Variants in CCDC33 observed in about 807,000 individuals in gnomAD.
CCDC33 encodes coiled-coil domain containing 33, also known as coiled-coil domain-containing protein 33.
A neutral mutation model predicts 91.9 loss-of-function variants in CCDC33; 94 were observed. The ratio of observed to expected loss-of-function variants is 1.02; its 90% CI spans 0.87 to 1.21. The LOEUF (loss-of-function observed/expected upper bound fraction) is 1.21, where lower values mean the gene tolerates loss of function less well. Ranked by LOEUF, CCDC33 falls within the 50% of genes most tolerant of loss-of-function variation. The pLI is 0.00. For synonymous variants in CCDC33, 396 were observed against 374.5 expected, an observed-to-expected ratio of 1.06 and a Z score of -0.66; for missense variants, 940 against 935.5, an observed-to-expected ratio of 1.00 and a Z score of -0.06.
In CCDC33 at chr15:74,244,219, T is replaced by C; in HGVS notation, c.185+71T>C. The C allele has an allele frequency of 6.5e-7, 1 of 1,538,408 alleles. No individual in the cohort carries two copies. Among genetic ancestry groups the C allele is most frequent in the Non-Finnish European group, 8.8e-7 (1 of 1,137,566 alleles). ...GAGCAGAAACCAGGGGACAGCTATTTGGAATACTAGCACCCAAAGGCCCAG... is the reference window on the plus strand; with the variant it reads ...GAGCAGAAACCAGGGGACAGCTATTCGGAATACTAGCACCCAAAGGCCCAG... On this transcript the variant is annotated intron_variant, in intron 2 of 18. Coordinates refer to ENST00000398814, the MANE Select transcript of CCDC33 (RefSeq NM_025055.5). This position sits in a 1 kb window ranked among gnomAD's most constrained non-coding sequence, Gnocchi z 4.2.
At chr15:74,211,779 G>A (rs1408564772) in intron 2 of CCDC33, among the ~76,000 whole-genome samples, 1 of 151,846 alleles carries the variant, frequency 6.6e-6, no homozygotes, top group Non-Finnish European at 1.5e-5. Flanking sequence ...GCCTGTCCCT[G>A]GTATGCCACT....
At chr15:74,289,557 T>C (rs149657271) in intron 10 of CCDC33, among the ~76,000 whole-genome samples, 48 of 152,238 alleles carry the variant, frequency 3.2e-4, no homozygotes, top group African/African-American at 1.1e-3. Flanking sequence ...CCACTAAAAA[T>C]GCAAAAATTA....
intron 10 of CCDC33, among the ~76,000 whole-genome samples, chr15:74,292,701 G>T (rs2059606947): frequency 6.6e-6 from 1 of 152,230 alleles, no homozygotes; most frequent in Non-Finnish European, 1.5e-5. Flanking sequence ...GGAGGTACAG[G>T]CATGGAGCAG....
intron 11 of CCDC33, among the ~76,000 whole-genome samples, chr15:74,299,123 C>T (rs2059744788): frequency 6.6e-6 from 1 of 152,170 alleles, no homozygotes; most frequent in Admixed American, 6.5e-5. Flanking sequence ...TGAGTGATAC[C>T]CCATACCCAC....
chr15:74,287,089 G>A (rs351201), intron 10 of CCDC33, among the ~76,000 whole-genome samples: 109,415 of 152,078 alleles, frequency 0.72, 40,858 homozygotes, highest in Non-Finnish European at 0.84. Flanking sequence ...GAATTTTTAT[G>A]GATTTTTTGT....
rs1692599565 is a variant in CCDC33 at position 74,236,572 on chromosome 15, A to G, written c.-148A>G. On this transcript the variant is annotated 5_prime_UTR_variant, in exon 1 of 19. Coordinates refer to ENST00000398814, the MANE Select transcript of CCDC33 (RefSeq NM_025055.5). ...TGGTGTGTGGCACCCCTGAGACCACATTGACCTCCATACTGTCTACTACCC... is the reference window on the plus strand; with the variant it reads ...TGGTGTGTGGCACCCCTGAGACCACGTTGACCTCCATACTGTCTACTACCC... 1 of 450,606 alleles carries G rather than the reference A, an allele frequency of 2.2e-6. No individual in the cohort carries two copies. Among genetic ancestry groups the G allele is most frequent in the Non-Finnish European group, 3.9e-6 (1 of 255,042 alleles). The allele number at this position is 450,606 out of a possible 1,614,324, so 27.9% of individuals were successfully genotyped here.
intron 2 of CCDC33, among the ~76,000 whole-genome samples, chr15:74,250,948 A>T (rs371210278): frequency 5.9e-5 from 9 of 152,206 alleles, no homozygotes; most frequent in African/African-American, 1.9e-4. Context: ...GAGCAGGCTC[A>T]CAGTGGGCAC....
At position 74,316,128 on chromosome 15, in the gene CCDC33, C is replaced by T. The variant is rs897413678; in HGVS notation, c.1291-14061C>T. Reference sequence around the variant, plus strand: ...GCAGGGGTGGGGGCTCTTGAGCACCCGTTTTATAGATGAAATGCCTGAGAC... The same window carrying T: ...GCAGGGGTGGGGGCTCTTGAGCACCTGTTTTATAGATGAAATGCCTGAGAC... On this transcript the variant is annotated intron_variant, in intron 11 of 18. Transcript: ENST00000398814. The surrounding 1 kb of genome is among the most constrained non-coding windows in gnomAD (Gnocchi z 4.7). Among the ~76,000 whole-genome samples the T allele has an allele frequency of 1.3e-5, 2 of 152,094 alleles. No individual in the cohort carries two copies. Among genetic ancestry groups the T allele is most frequent in the Non-Finnish European group, 2.9e-5 (2 of 68,008 alleles).
chr15:74,221,213 C>A (rs900905642), intron 2 of CCDC33: 13 of 895,662 alleles, frequency 1.5e-5, no homozygotes, highest in African/African-American at 6.4e-5. Flanking sequence ...GTGTGTGGCA[C>A]TGGTTTTTTT....
At chr15:74,257,587 G>A (rs187844524) in intron 2 of CCDC33, among the ~76,000 whole-genome samples, 3 of 152,174 alleles carry the variant, frequency 2.0e-5, no homozygotes, top group Non-Finnish European at 4.4e-5. Context: ...AGAGGGACTC[G>A]GGGGAGAACC....
chr15:74,331,818 T>C (rs2060445658), intron 15 of CCDC33, among the ~76,000 whole-genome samples: 1 of 152,102 alleles, frequency 6.6e-6, no homozygotes, highest in African/African-American at 2.4e-5. Flanking sequence ...TCACTTGAGG[T>C]CAGGAGTTCA....
intron 7 of CCDC33, among the ~76,000 whole-genome samples, chr15:74,273,112 C>T (rs1476980680): frequency 6.6e-6 from 1 of 152,256 alleles, no homozygotes; most frequent in African/African-American, 2.4e-5. Flanking sequence ...AAAAGTTGAA[C>T]ATCAACACAA....
intron 2 of CCDC33, among the ~76,000 whole-genome samples, chr15:74,258,561 G>A (rs2075936654): frequency 1.3e-5 from 2 of 152,172 alleles, no homozygotes; most frequent in Non-Finnish European, 2.9e-5. Context: ...TAACAAGAGT[G>A]GGTACAGTAT....
intron 5 of CCDC33, among the ~76,000 whole-genome samples, chr15:74,270,209 A>T (rs2076276184): frequency 6.6e-6 from 1 of 152,168 alleles, no homozygotes; most frequent in Non-Finnish European, 1.5e-5. Flanking sequence ...TGAGATGGGT[A>T]TTGAAAGAGG....
At chr15:74,294,761 GA>G (rs1426379193) in intron 10 of CCDC33, among the ~76,000 whole-genome samples, 106 of 135,706 alleles carry the variant, frequency 7.8e-4, no homozygotes, top group African/African-American at 2.6e-3. Context: ...AAAAAAAAAA[GA>G]AAAAAAAATA....
In CCDC33 at chr15:74,308,524, G is replaced by C. The variant is rs568495721; in HGVS notation, c.1290+12576G>C. Among the ~76,000 whole-genome samples the C allele has an allele frequency of 3.9e-5, 6 of 152,314 alleles. No individual in the cohort carries two copies. The South Asian group carries it at 8.3e-4, about 21-fold the overall frequency. Reference sequence around the variant, plus strand: ...CTCCTTAGGGCGGAGTCGAGGGGGCGGGGAGGGCCTGTGGGGGAAGGGGCT... The same window carrying C: ...CTCCTTAGGGCGGAGTCGAGGGGGCCGGGAGGGCCTGTGGGGGAAGGGGCT... On this transcript the variant is annotated intron_variant, in intron 11 of 18. Coordinates refer to ENST00000398814, the MANE Select transcript of CCDC33 (RefSeq NM_025055.5).
chr15:74,273,036 C>A, intron 7 of CCDC33, 145 bp downstream of exon 7: 1 of 1,165,732 alleles, frequency 8.6e-7, no homozygotes, highest in Non-Finnish European at 1.2e-6. Flanking sequence ...CTGTGCTCGC[C>A]TGTGCGGCAG....
rs1306240419 is a variant in CCDC33 at position 74,316,597 on chromosome 15, A to T, written c.1291-13592A>T. ...GCACACACCCATTTCCCTGGTGGGG[A>T]GGCTGAGGGGCAGGAGCAGGAAGAT... On this transcript the variant is annotated intron_variant, in intron 11 of 18. Transcript: ENST00000398814. This position sits in a 1 kb window ranked among gnomAD's most constrained non-coding sequence, Gnocchi z 4.7. Among the ~76,000 whole-genome samples the T allele has an allele frequency of 6.6e-6, 1 of 151,970 alleles. No individual in the cohort carries two copies. Among genetic ancestry groups the T allele is most frequent in the African/African-American group, 2.4e-5 (1 of 41,360 alleles).
intron 6 of CCDC33, among the ~76,000 whole-genome samples, 157 bp downstream of exon 6, chr15:74,271,951 G>C (rs1201729230): frequency 6.6e-6 from 1 of 152,192 alleles, no homozygotes; most frequent in Non-Finnish European, 1.5e-5. Flanking sequence ...TGAGGTCCCA[G>C]TAAGCTTCCT....
Sources: gnomAD v4.1 joint callset for allele counts (sites outside exome capture counted in the v4.1 genomes callset) on GRCh38, gnomAD v4.1.1 for gene constraint, Gnocchi (gnomAD v3.1) non-coding constraint, MANE v1.5 for transcripts, NCBI Gene and HGNC (gene_info 2026-07-23, HGNC 2026-07-21) for gene names.